RALGPS1: variants seen among roughly 807,000 people sequenced by gnomAD.
RALGPS1 encodes ras-specific guanine nucleotide-releasing factor RalGPS1.
RALGPS1 carries 19 observed loss-of-function variants against 78.8 expected under a neutral mutation model. The ratio of observed to expected loss-of-function variants is 0.24; its 90% CI spans 0.17 to 0.35. The LOEUF is 0.35. Among genes scored for constraint, RALGPS1 ranks in the 10% least tolerant of loss-of-function variants. RALGPS1 has a pLI of 1.00. For synonymous variants in RALGPS1, 228 were observed against 256.3 expected (o/e 0.89, Z 1.06); for missense variants, 454 against 688.3 (o/e 0.66, Z 3.81).
intron 8 of RALGPS1, among the ~76,000 whole-genome samples, chr9:127,134,534 C>A (rs1375730265): frequency 5.3e-5 from 8 of 152,166 alleles, no homozygotes; most frequent in Admixed American, 4.6e-4. Flanking sequence ...TTTGTTAATT[C>A]ATTTCTTCCT....
intron 8 of RALGPS1, among the ~76,000 whole-genome samples, chr9:127,094,461 A>C (rs1292812567): frequency 1.3e-5 from 2 of 151,756 alleles, no homozygotes; most frequent in Non-Finnish European, 1.5e-5. Context: ...TTCAATTCTG[A>C]CTCCACGTCT....
intron 3 of RALGPS1, among the ~76,000 whole-genome samples, chr9:126,967,188 G>C (rs553009300): frequency 1.1e-4 from 16 of 152,098 alleles, no homozygotes; most frequent in Non-Finnish European, 1.6e-4. Flanking sequence ...GTGTGTCTGA[G>C]GGATCATTTT....
chr9:127,094,045 G>A (rs761956806), intron 8 of RALGPS1: 9 of 1,152,010 alleles, frequency 7.8e-6, no homozygotes, highest in African/African-American at 3.1e-5. Context: ...ACAGGCCCAC[G>A]GTCTGAGGTA....
At position 127,007,203 on chromosome 9, in the gene RALGPS1, A is replaced by G. The variant is rs371287977; in HGVS notation, c.217-27228A>G. The stretch of plus-strand genomic sequence containing the variant: ...TTTGTTTTGTAATTTTTCATTGAGT[A>G]TAAAGTTGCTGTACTTAAAGAGTTA... On this transcript the variant is annotated intron_variant, in intron 4 of 18. Coordinates refer to ENST00000259351, the MANE Select transcript of RALGPS1 (RefSeq NM_014636.3). Among the ~76,000 whole-genome samples the G allele has an allele frequency of 2.6e-5, 4 of 152,336 alleles. No individual in the cohort carries two copies. In the East Asian group the frequency reaches 5.8e-4, roughly 22 times the overall value.
intron 7 of RALGPS1, 128 bp from the exon 8 acceptor site, chr9:127,069,102 T>C: frequency 2.2e-6 from 2 of 920,438 alleles, no homozygotes; most frequent in East Asian, 2.6e-5. Context: ...AAATCCTTAG[T>C]TCTGTCCAGG....
chr9:127,070,193 T>C (rs533176690), intron 8 of RALGPS1, among the ~76,000 whole-genome samples: 62 of 152,264 alleles, frequency 4.1e-4, no homozygotes, highest in Non-Finnish European at 6.9e-4. Flanking sequence ...ACAGTAGGGT[T>C]CGCGCTCCTA....
At chr9:127,193,385 T>G (rs1393217232) in intron 11 of RALGPS1, among the ~76,000 whole-genome samples, 1 of 152,072 alleles carries the variant, frequency 6.6e-6, no homozygotes, top group Non-Finnish European at 1.5e-5. Context: ...AATAAGAAAG[T>G]TGGCTAAGGC....
intron 8 of RALGPS1, among the ~76,000 whole-genome samples, chr9:127,129,930 C>A (rs2056892371): frequency 6.6e-6 from 1 of 152,226 alleles, no homozygotes; most frequent in African/African-American, 2.4e-5. Flanking sequence ...TCTTTGGCAC[C>A]CTGCCCTGTG....
intron 4 of RALGPS1, among the ~76,000 whole-genome samples, chr9:126,995,428 CAAAG>C (rs1281295714): frequency 7.9e-5 from 12 of 152,218 alleles, no homozygotes; most frequent in Admixed American, 4.6e-4. Context: ...TCAAAAGAGA[CAAAG>C]AAGGCCATTA....
intron 1 of RALGPS1, among the ~76,000 whole-genome samples, chr9:126,949,214 G>T (rs1222677269): frequency 2.0e-5 from 3 of 152,294 alleles, no homozygotes; most frequent in Admixed American, 1.3e-4. Flanking sequence ...GTCTATCATT[G>T]TTGGACATTT....
intron 4 of RALGPS1, 114 bp from the exon 5 acceptor site, chr9:127,034,317 C>A: frequency 1.1e-6 from 1 of 897,988 alleles, no homozygotes; most frequent in Non-Finnish European, 1.8e-6. Context: ...ATGGGAACAG[C>A]CAAGGTGTCA....
chr9:127,030,482 A>G (rs2046335231), intron 4 of RALGPS1, among the ~76,000 whole-genome samples: 1 of 152,112 alleles, frequency 6.6e-6, no homozygotes, highest in African/African-American at 2.4e-5. Flanking sequence ...AAGGGGCGCT[A>G]ATTTCCTAGT....
intron 14 of RALGPS1, among the ~76,000 whole-genome samples, chr9:127,208,863 A>G (rs531555868): frequency 1.3e-5 from 2 of 152,240 alleles, no homozygotes; most frequent in African/African-American, 2.4e-5. Context: ...AAGGGAGAGA[A>G]TGATGGGAAG....
chr9:127,083,979 T>G (rs937215166), intron 8 of RALGPS1, among the ~76,000 whole-genome samples: 3 of 152,102 alleles, frequency 2.0e-5, no homozygotes, highest in African/African-American at 7.2e-5. Flanking sequence ...GGCATGATCT[T>G]GGCTCACTGC....
At position 127,122,613 on chromosome 9, in the gene RALGPS1, G is replaced by T; in HGVS notation, c.611-43456G>T. The T allele has an allele frequency of 6.5e-6, 1 of 152,942 alleles. No individual in the cohort carries two copies. The highest frequency in any genetic ancestry group is 1.5e-5 in the Non-Finnish European group (1 of 68,542). The allele number at this position is 152,942 out of a possible 1,614,324, so 9.5% of individuals were successfully genotyped here. A position where few individuals can be genotyped will look rare whatever the true frequency, so the allele number is the denominator to read the frequency against. ...TCCAGGGCTTGGGGTCCATCCTCAG[G>T]CCGTCCGCAGCAGCCTCATTTGAAC... is the stretch of plus-strand genomic sequence containing the variant. On this transcript the variant is annotated intron_variant, in intron 8 of 18. Coordinates refer to ENST00000259351, the MANE Select transcript of RALGPS1 (RefSeq NM_014636.3). The surrounding 1 kb of genome is among the most constrained non-coding windows in gnomAD (Gnocchi z 6.4).
intron 8 of RALGPS1, among the ~76,000 whole-genome samples, chr9:127,096,596 T>C (rs533894772): frequency 6.6e-6 from 1 of 152,352 alleles, no homozygotes. Context: ...CCATGAATGA[T>C]CTCAGTTTTA....
At chr9:127,171,724 A>G (rs574435326) in intron 10 of RALGPS1, among the ~76,000 whole-genome samples, 78 of 152,312 alleles carry the variant, frequency 5.1e-4, no homozygotes, top group African/African-American at 1.8e-3. Flanking sequence ...GCGCCACTGC[A>G]CTCCAGCCTA....
chr9:126,977,938 C>T, intron 4 of RALGPS1, 193 bp downstream of exon 4: 1 of 467,516 alleles, frequency 2.1e-6, no homozygotes, highest in Non-Finnish European at 3.8e-6. Context: ...GAGAATGTCT[C>T]CCGTCTGGCC....
chr9:127,188,311 GC>G (rs2060796717), intron 11 of RALGPS1, among the ~76,000 whole-genome samples: 2 of 152,038 alleles, frequency 1.3e-5, no homozygotes, highest in Admixed American at 1.3e-4. Flanking sequence ...ATCCGCCCGA[GC>G]CTCAAAGAAG....
Sources: gnomAD v4.1 joint callset for allele counts (sites outside exome capture counted in the v4.1 genomes callset) on GRCh38, gnomAD v4.1.1 for gene constraint, Gnocchi (gnomAD v3.1) non-coding constraint, MANE v1.5 for transcripts, NCBI Gene and HGNC (gene_info 2026-07-23, HGNC 2026-07-21) for gene names.